Variants in ADSS2 observed in about 807,000 individuals in gnomAD.
The protein encoded by ADSS2 is adenylosuccinate synthase 2.
In ADSS2, 30 loss-of-function variants were observed where a neutral mutation model predicts 60.0. That is an observed-to-expected ratio of 0.50 (90% CI 0.37 to 0.68). The LOEUF is 0.68. Ranked by LOEUF, ADSS2 falls within the 30% of genes least tolerant of loss-of-function variation. The pLI, the probability that ADSS2 is intolerant of heterozygous loss-of-function variation, is 0.00. For synonymous variants in ADSS2, 187 were observed against 193.1 expected (o/e 0.97, Z 0.26); for missense variants, 373 against 554.8 (o/e 0.67, Z 3.29).
At chr1:244,437,240 GA>G (rs1239673880) in intron 2 of ADSS2, among the ~76,000 whole-genome samples, 3 of 152,104 alleles carry the variant, frequency 2.0e-5, no homozygotes. Flanking sequence ...AGTAGGTTGT[GA>G]TAAGGATTTT....
intron 3 of ADSS2, 65 bp from the exon 4 acceptor site, chr1:244,432,660 C>CTTTTTTTTTTTTTTTTTTTTTTTTT (rs532312490): frequency 3.0e-6 from 1 of 338,404 alleles, no homozygotes; most frequent in African/African-American, 3.6e-5. Flanking sequence ...ATCTTAATTT[C>CTTTTTTTTTTTTTTTTTTTTTTTTT]TTTTTTTTTT....
intron 1 of ADSS2, among the ~76,000 whole-genome samples, chr1:244,448,303 T>C (rs1665445008): frequency 6.6e-6 from 1 of 152,236 alleles, no homozygotes; most frequent in African/African-American, 2.4e-5. Context: ...TATGCTTCTT[T>C]AACACTAATA....
chr1:244,421,223 G>GT (rs748399019), intron 7 of ADSS2, among the ~76,000 whole-genome samples: 3 of 152,118 alleles, frequency 2.0e-5, no homozygotes, highest in Non-Finnish European at 4.4e-5. Context: ...ACATTTAATT[G>GT]TTAGTATTAC....
intron 12 of ADSS2, 60 bp downstream of exon 12, chr1:244,411,227 A>C: frequency 6.5e-7 from 1 of 1,536,560 alleles, no homozygotes; most frequent in Non-Finnish European, 8.8e-7. Context: ...TCAAAAAAAA[A>C]AAAAGAAAAA....
chr1:244,422,306 T>C (rs562345551), intron 7 of ADSS2, among the ~76,000 whole-genome samples: 2 of 152,362 alleles, frequency 1.3e-5, no homozygotes, highest in South Asian at 4.1e-4. Context: ...GACAGGAATT[T>C]CAACTACTGG....
chr1:244,435,201 A>C (rs1487897324), intron 3 of ADSS2, among the ~76,000 whole-genome samples: 1 of 144,946 alleles, frequency 6.9e-6, no homozygotes, highest in African/African-American at 2.6e-5. Context: ...AAAAAAACAA[A>C]CCTGAACATA....
At chr1:244,446,716 C>G (rs1217243556) in intron 1 of ADSS2, among the ~76,000 whole-genome samples, 2 of 152,196 alleles carry the variant, frequency 1.3e-5, no homozygotes, top group African/African-American at 4.8e-5. Flanking sequence ...TTCTTTCACA[C>G]TCACCAAACC....
intron 1 of ADSS2, among the ~76,000 whole-genome samples, chr1:244,442,918 A>C (rs112305094): frequency 0.034 from 5,251 of 152,260 alleles, 114 homozygotes; most frequent in Middle Eastern, 0.082. Context: ...CAGACAGTAA[A>C]ACAAAGCATT....
rs1664335343 is a variant in ADSS2 at position 244,408,525 on chromosome 1, A to G, written c.*1061T>C. The G allele has an allele frequency of 6.6e-6, 1 of 152,644 alleles. No homozygotes were observed. 9.5% of individuals were successfully genotyped at this position (152,644 alleles called of 1,614,324 possible). A position where few individuals can be genotyped will look rare whatever the true frequency, so the allele number is the denominator to read the frequency against. On this transcript the variant is annotated 3_prime_UTR_variant, in exon 13 of 13. Coordinates refer to ENST00000366535, the MANE Select transcript of ADSS2 (RefSeq NM_001126.5). ...AAATATTTGGTTCTTTTAATCAGCTATTCATGGTGTAATAAAATAAATTTA... is the reference window on the plus strand; with the variant it reads ...AAATATTTGGTTCTTTTAATCAGCTGTTCATGGTGTAATAAAATAAATTTA...
At chr1:244,434,761 A>G (rs1318646419) in intron 3 of ADSS2, among the ~76,000 whole-genome samples, 1 of 152,216 alleles carries the variant, frequency 6.6e-6, no homozygotes, top group Non-Finnish European at 1.5e-5. Context: ...AGCAGCATCA[A>G]TATAAAAATC....
chr1:244,437,167 C>T (rs1665123962), intron 2 of ADSS2, among the ~76,000 whole-genome samples: 2 of 152,232 alleles, frequency 1.3e-5, no homozygotes, highest in South Asian at 4.1e-4. Context: ...GGTCACAGTA[C>T]ATGCTAAATC....
chr1:244,436,746 ATGT>A, intron 3 of ADSS2, 76 bp downstream of exon 3: 1 of 1,256,204 alleles, frequency 8.0e-7, no homozygotes. Flanking sequence ...TAAGACAAAC[ATGT>A]TGTTCGTCTG....
At chr1:244,441,177 GTC>G (rs1665234115) in intron 1 of ADSS2, among the ~76,000 whole-genome samples, 1 of 151,310 alleles carries the variant, frequency 6.6e-6, no homozygotes, top group Non-Finnish European at 1.5e-5. Context: ...TCCTGCCTCA[GTC>G]CCCCAAGTAG....
intron 1 of ADSS2, among the ~76,000 whole-genome samples, chr1:244,443,927 T>G (rs1461415851): frequency 2.0e-5 from 3 of 152,128 alleles, no homozygotes; most frequent in Non-Finnish European, 4.4e-5. Flanking sequence ...GCTTTCAGGT[T>G]GAGGCCAATT....
rs377457816 is a variant in ADSS2 at position 244,423,018 on chromosome 1, C to T, written c.582-102G>A. On this transcript the variant is annotated intron_variant, in intron 6 of 12. Coordinates refer to ENST00000366535, the MANE Select transcript of ADSS2 (RefSeq NM_001126.5). The stretch of plus-strand genomic sequence containing the variant: ...TTCTGCAGATGGTAAATGATCTTAA[C>T]AGCAAATTAATCCTGAAACTGAAGT... 3.3e-4 allele frequency: 239 copies of T among 717,916 alleles called. 2 individuals carry two copies. Among genetic ancestry groups the T allele is most frequent in the Middle Eastern group, 1.6e-3 (5 of 3,034 alleles). The allele number at this position is 717,916 out of a possible 1,614,324, so 44.5% of individuals were successfully genotyped here. A position where few individuals can be genotyped will look rare whatever the true frequency, so the allele number is the denominator to read the frequency against.
At chr1:244,428,441 T>C (rs1664857126) in intron 4 of ADSS2, among the ~76,000 whole-genome samples, 1 of 151,764 alleles carries the variant, frequency 6.6e-6, no homozygotes, top group Admixed American at 6.6e-5. Context: ...TAATTACATG[T>C]GTTAGAGGAA....
chr1:244,416,160 G>T (rs1664527199), intron 10 of ADSS2, 82 bp from the exon 11 acceptor site: 1 of 916,126 alleles, frequency 1.1e-6, no homozygotes, highest in African/African-American at 1.7e-5. Flanking sequence ...CAGGAGTAAA[G>T]AAAAATTCAT....
chr1:244,427,944 A>G (rs1431105376), intron 4 of ADSS2, among the ~76,000 whole-genome samples: 1 of 152,210 alleles, frequency 6.6e-6, no homozygotes, highest in African/African-American at 2.4e-5. Flanking sequence ...TTGTAAACAT[A>G]CATGTACCTA....
intron 3 of ADSS2, among the ~76,000 whole-genome samples, chr1:244,433,729 G>A (rs1665010156): frequency 2.6e-5 from 4 of 151,784 alleles, no homozygotes; most frequent in Admixed American, 1.3e-4. Flanking sequence ...ACGTGATGGC[G>A]GGCGCCTGTA....
Sources: gnomAD v4.1 joint callset for allele counts (sites outside exome capture counted in the v4.1 genomes callset) on GRCh38, gnomAD v4.1.1 for gene constraint, MANE v1.5 for transcripts, NCBI Gene and HGNC (gene_info 2026-07-23, HGNC 2026-07-21) for gene names.